OSGIN1: variants seen among roughly 807,000 people sequenced by gnomAD.
The protein encoded by OSGIN1 is oxidative stress-induced growth inhibitor 1.
A neutral mutation model predicts 20.1 loss-of-function variants in OSGIN1; 19 were observed. The ratio of observed to expected loss-of-function variants is 0.95; its 90% CI spans 0.66 to 1.39. The LOEUF is 1.39. Ranked by LOEUF, OSGIN1 falls within the 40% of genes most tolerant of loss-of-function variation. The pLI is 0.00. For synonymous variants in OSGIN1, 368 were observed against 297.8 expected, an observed-to-expected ratio of 1.24 and a Z score of -2.43; for missense variants, 820 against 653.0, an observed-to-expected ratio of 1.26 and a Z score of -2.79.
At chr16:83,962,828 A>T (rs2084231775) in intron 5 of OSGIN1, among the ~76,000 whole-genome samples, 1 of 152,206 alleles carries the variant, frequency 6.6e-6, no homozygotes, top group Admixed American at 6.5e-5. Context: ...GTGTGCATTT[A>T]TCTCAGTGGG....
rs765265709 is a variant in OSGIN1, at chr16:83,965,123, G to T, written c.550G>T (p.Val184Phe). The change falls in exon 6 of 6, where the codon GTC becomes TTC. Residue 184 changes from valine (V) to phenylalanine (F), a missense_variant. Physicochemically the swap from Val to Phe is conservative, Grantham distance 50. Transcript: ENST00000393306. ...CGCCCACTACTACAGGGACTACGTG[G>T]TCAAGAAGGGTCTGGGGCATAACTT... ...DIAHYYRDYV[V>F]KKGLGHNFVS... 6.2e-7 allele frequency: 1 copy of T among 1,613,272 alleles called. No individual in the cohort carries two copies. Among genetic ancestry groups the T allele is most frequent in the Non-Finnish European group, 8.5e-7 (1 of 1,179,950 alleles).
At position 83,965,145 on chromosome 16, in the gene OSGIN1, A is replaced by C. The variant is rs2084261194; in HGVS notation, c.572A>C (p.Asn191Thr). 6.2e-7 allele frequency: 1 copy of C among 1,613,298 alleles called. No homozygotes were observed. The highest frequency in any genetic ancestry group is 8.5e-7 in the Non-Finnish European group (1 of 1,180,002). ...GTGGTCAAGAAGGGTCTGGGGCATA[A>C]CTTTGTGTCCGGTGCTGTAGTCACA... ...DYVVKKGLGHNFVSGAVVTAV... is the reference protein window; with the variant it reads ...DYVVKKGLGHTFVSGAVVTAV... Residue 191 changes from asparagine (N) to threonine (T), a missense_variant, in exon 6 of 6, where the codon AAC (asparagine) becomes ACC (threonine). By Grantham distance (65) the Asn-to-Thr change is moderately conservative. Coordinates refer to ENST00000393306, the MANE Select transcript of OSGIN1 (RefSeq NM_182981.3).
intron 1 of OSGIN1, among the ~76,000 whole-genome samples, chr16:83,953,631 G>C (rs1220876396): frequency 6.6e-6 from 1 of 152,232 alleles, no homozygotes; most frequent in Admixed American, 6.5e-5. Flanking sequence ...CACAGTCCCA[G>C]CGTACCCTGG....
rs116515204 is a variant in OSGIN1, at chr16:83,956,125, T to G, written c.-32-1515T>G. On this transcript the variant is annotated intron_variant, in intron 1 of 5. Transcript: ENST00000393306. ...TTAGATGCAACCTCCTTGCAAACTG[T>G]AGAGTGCTCTGAGAAGGTCAGTTGT... Among the ~76,000 whole-genome samples, 245 of 152,316 alleles carry G rather than the reference T, an allele frequency of 1.6e-3. 1 individual carries two copies. Among genetic ancestry groups the G allele is most frequent in the African/African-American group, 5.8e-3 (239 of 41,564 alleles).
At position 83,955,229 on chromosome 16, in the gene OSGIN1, C is replaced by G. The variant is rs145573236; in HGVS notation, c.-33+1859C>G. Reference sequence around the variant, plus strand: ...TCAGGAGCAAGCCAGAGAAAGCACTCTGAGACCCGTAGTCCTGTTCTCCAA... The same window carrying G: ...TCAGGAGCAAGCCAGAGAAAGCACTGTGAGACCCGTAGTCCTGTTCTCCAA... On this transcript the variant is annotated intron_variant, in intron 1 of 5. Coordinates refer to ENST00000393306, the MANE Select transcript of OSGIN1 (RefSeq NM_182981.3). Among the ~76,000 whole-genome samples the G allele has an allele frequency of 2.2e-3, 341 of 152,294 alleles. 2 individuals are homozygous for G. The highest frequency in any genetic ancestry group is 8.0e-3 in the African/African-American group (333 of 41,566).
chr16:83,959,728 G>C (rs1336635862), intron 3 of OSGIN1, among the ~76,000 whole-genome samples: 1 of 152,152 alleles, frequency 6.6e-6, no homozygotes, highest in Non-Finnish European at 1.5e-5. Flanking sequence ...TGGAGGCCAG[G>C]GATGCTGGCA....
rs1218220788 is a variant in OSGIN1, at chr16:83,961,083, C to T, written c.488+11C>T. The T allele has an allele frequency of 2.5e-6, 4 of 1,607,308 alleles. No homozygotes were observed. The highest frequency in any genetic ancestry group is 3.3e-5 in the Admixed American group (2 of 60,004). On this transcript the variant is annotated intron_variant, in intron 5 of 5. Coordinates refer to ENST00000393306, the MANE Select transcript of OSGIN1 (RefSeq NM_182981.3). ...GCAGAAGAAGCGAAGGTGAGGCCGC[C>T]CCGGAACGCCTTGGGGGACACGGAA...
At chr16:83,964,848 C>CCTA (rs945552581) in intron 5 of OSGIN1, among the ~76,000 whole-genome samples, 1 of 152,126 alleles carries the variant, frequency 6.6e-6, no homozygotes, top group African/African-American at 2.4e-5. Context: ...CCTACACCAC[C>CCTA]CTACACCACC....
intron 2 of OSGIN1, among the ~76,000 whole-genome samples, chr16:83,958,922 G>A (rs1223216201): frequency 6.6e-6 from 1 of 152,180 alleles, no homozygotes; most frequent in Non-Finnish European, 1.5e-5. Flanking sequence ...TTCCGGCCGT[G>A]TGACCACAGG....
chr16:83,956,705 G>T (rs552767369), intron 1 of OSGIN1, among the ~76,000 whole-genome samples: 67 of 151,764 alleles, frequency 4.4e-4, no homozygotes, highest in Admixed American at 8.5e-4. Context: ...ATGAGAAAAA[G>T]CATGTCAAAT....
At chr16:83,962,411 T>C (rs2084226237) in intron 5 of OSGIN1, among the ~76,000 whole-genome samples, 1 of 152,096 alleles carries the variant, frequency 6.6e-6, no homozygotes, top group African/African-American at 2.4e-5. Flanking sequence ...GCTAATTATT[T>C]TTTGTATTTT....
At chr16:83,961,110 G>T (rs768350181) in intron 5 of OSGIN1, 38 bp downstream of exon 5, 4 of 1,524,928 alleles carry the variant, frequency 2.6e-6, no homozygotes, top group Non-Finnish European at 2.7e-6. Context: ...GACACGGAAG[G>T]TTGGGCCTGT....
chr16:83,960,663 G>C lies in OSGIN1; in HGVS notation c.299G>C (p.Gly100Ala), dbSNP rs755822526. 6 of 1,613,498 alleles carry C rather than the reference G, an allele frequency of 3.7e-6. No homozygotes were observed. The African/African-American group carries it at 8.0e-5, about 22-fold the overall frequency. The change falls in exon 4 of 6, where the codon GGG becomes GCG. Residue 100 changes from glycine (G) to alanine (A), a missense_variant. Physicochemically the swap from Gly to Ala is moderately conservative, Grantham distance 60. Transcript: ENST00000393306. ...CTTCTACGCCCAGACACAGACTTTG[G>C]GGGAAACATGAAGTCGGTCCTCACC... ...DALLRPDTDF[G>A]GNMKSVLTWK... is the part of the protein sequence containing the mutation.
At chr16:83,954,703 C>T in intron 1 of OSGIN1, 5 of 967,454 alleles carry the variant, frequency 5.2e-6, no homozygotes, top group Non-Finnish European at 6.1e-6. Context: ...TGTTCAAGAG[C>T]CTGAGGACAG....
rs148300856 is a variant in OSGIN1 at position 83,965,606 on chromosome 16, C to G, written c.1033C>G (p.Arg345Gly). Residue 345 changes from arginine to glycine, a missense_variant, in exon 6 of 6, where the codon CGG (arginine) becomes GGG (glycine). Arg to Gly is a moderately radical substitution (Grantham distance 125, BLOSUM62 -2). Coordinates refer to ENST00000393306, the MANE Select transcript of OSGIN1 (RefSeq NM_182981.3). ...PEYHKVHQMMREQSILSPSPY... is the reference protein window; with the variant it reads ...PEYHKVHQMMGEQSILSPSPY... ...GTACCACAAGGTGCACCAGATGATG[C>G]GGGAGCAGTCCATCCTGTCGCCCAG... 2.5e-6 allele frequency: 4 copies of G among 1,613,130 alleles called. No individual in the cohort carries two copies. The highest frequency in any genetic ancestry group is 2.2e-5 in the South Asian group (2 of 91,088).
chr16:83,956,432 C>T (rs1454411365), intron 1 of OSGIN1, among the ~76,000 whole-genome samples: 2 of 152,192 alleles, frequency 1.3e-5, no homozygotes, highest in African/African-American at 2.4e-5. Flanking sequence ...GGCCCTGGGC[C>T]CCCACCCCTG....
At chr16:83,961,651 GC>G (rs1837439141) in intron 5 of OSGIN1, among the ~76,000 whole-genome samples, 1 of 152,170 alleles carries the variant, frequency 6.6e-6, no homozygotes, top group South Asian at 2.1e-4. Context: ...GGAAACTGAG[GC>G]TCAGATAGGG....
chr16:83,965,698 C>T lies in OSGIN1; in HGVS notation c.1125C>T (p.Ala375=), dbSNP rs749774734. ...QLLCFKEDCQ[A]VFQDLEGVEK... The stretch of plus-strand genomic sequence containing the variant: ...TGTGCTTCAAGGAAGACTGCCAGGC[C>T]GTGTTCCAGGACCTCGAGGGTGTCG... Residue 375 remains alanine (A), a synonymous_variant, in exon 6 of 6, where the codon GCC becomes GCT. Transcript: ENST00000393306. 8 of 1,613,566 alleles carry T rather than the reference C, an allele frequency of 5.0e-6. No homozygotes were observed. Among genetic ancestry groups the T allele is most frequent in the East Asian group, 2.2e-5 (1 of 44,896 alleles).
At position 83,960,758 on chromosome 16, in the gene OSGIN1, C is replaced by A; in HGVS notation, c.394C>A (p.His132Asn). The A allele has an allele frequency of 1.2e-6, 2 of 1,612,872 alleles. No individual in the cohort carries two copies. Among genetic ancestry groups the A allele is most frequent in the Non-Finnish European group, 1.7e-6 (2 of 1,179,826 alleles). The change falls in exon 4 of 6, where the codon CAC becomes AAC. Residue 132 changes from histidine (H) to asparagine (N), a missense_variant and splice_region_variant. Coordinates refer to ENST00000393306, the MANE Select transcript of OSGIN1 (RefSeq NM_182981.3). ...LGRNLPGGAW[H>N]SIEGSMVILS... ...CCGGAACCTCCCCGGGGGAGCCTGG[C>A]ACGTGAGTGGGGCAGCGAGGGCATG... is the stretch of plus-strand genomic sequence containing the variant.
Sources: allele counts gnomAD v4.1 joint callset (sites outside exome capture counted in the v4.1 genomes callset), GRCh38; gene constraint gnomAD v4.1.1; transcripts MANE v1.5; gene names NCBI Gene and HGNC (gene_info 2026-07-23, HGNC 2026-07-21).